Variants in CNTN5 observed in about 807,000 individuals in gnomAD.
CNTN5 encodes the protein contactin-5.
CNTN5 carries 77 observed loss-of-function variants against 129.1 expected under a neutral mutation model. The ratio of observed to expected loss-of-function variants is 0.60; its 90% confidence interval spans 0.50 to 0.72. CNTN5 has a LOEUF of 0.72. Ranked by LOEUF, CNTN5 falls within the 30% of genes least tolerant of loss-of-function variation. The pLI is 0.00. For synonymous variants in CNTN5, 509 were observed against 465.6 expected, an observed-to-expected ratio of 1.09 and a Z score of -1.20; for missense variants, 1,478 against 1,328.8, an observed-to-expected ratio of 1.11 and a Z score of -1.75.
chr11:99,875,992 G>A (rs911457413), intron 6 of CNTN5, among the ~76,000 whole-genome samples: 2 of 152,046 alleles, frequency 1.3e-5, no homozygotes, highest in Non-Finnish European at 2.9e-5. Flanking sequence ...GAACTCTCCA[G>A]GCTGGACATT....
chr11:99,534,510 TA>T, intron 2 of CNTN5, among the ~76,000 whole-genome samples: 1 of 86,930 alleles, frequency 1.2e-5, no homozygotes, highest in Non-Finnish European at 3.1e-5. Context: ...AATTTGGGCA[TA>T]GTTAGAATAA....
At chr11:100,010,321 G>C (rs1181480207) in intron 9 of CNTN5, among the ~76,000 whole-genome samples, 1 of 151,970 alleles carries the variant, frequency 6.6e-6, no homozygotes, top group Non-Finnish European at 1.5e-5. Flanking sequence ...CTAGAGGTAA[G>C]GGGGGAAAAA....
intron 2 of CNTN5, among the ~76,000 whole-genome samples, chr11:99,426,833 T>A (rs529253146): frequency 1.4e-3 from 210 of 152,296 alleles, no homozygotes; most frequent in African/African-American, 4.9e-3. Context: ...CTGTAAGTGT[T>A]TATGATTTAG....
chr11:99,706,528 C>T (rs565610994), intron 3 of CNTN5, among the ~76,000 whole-genome samples: 92 of 151,442 alleles, frequency 6.1e-4, no homozygotes, highest in Non-Finnish European at 1.1e-3. Flanking sequence ...AACTAAGTCA[C>T]TCTCACTATC....
At chr11:99,502,765 C>A (rs563026072) in intron 2 of CNTN5, among the ~76,000 whole-genome samples, 20 of 152,306 alleles carry the variant, frequency 1.3e-4, no homozygotes, top group Non-Finnish European at 2.4e-4. Context: ...AAACCATACA[C>A]CCTCCTAGAG....
intron 1 of CNTN5, among the ~76,000 whole-genome samples, chr11:99,072,852 A>G (rs915702089): frequency 1.3e-5 from 2 of 152,116 alleles, no homozygotes; most frequent in Non-Finnish European, 2.9e-5. Context: ...CTGTATCTCA[A>G]ATGATTCCTT....
At chr11:99,347,295 G>T (rs1024619549) in intron 2 of CNTN5, among the ~76,000 whole-genome samples, 17 of 152,274 alleles carry the variant, frequency 1.1e-4, no homozygotes, top group Non-Finnish European at 2.5e-4. Flanking sequence ...AGCACAAAAA[G>T]ATTATTATTA....
At chr11:100,189,867 T>A (rs1160804718) in intron 13 of CNTN5, among the ~76,000 whole-genome samples, 1 of 152,146 alleles carries the variant, frequency 6.6e-6, no homozygotes, top group Non-Finnish European at 1.5e-5. Context: ...TCTAAATTTG[T>A]CTTCCTTCTT....
intron 7 of CNTN5, among the ~76,000 whole-genome samples, chr11:99,921,013 G>A (rs1018938508): frequency 6.6e-6 from 1 of 152,066 alleles, no homozygotes; most frequent in African/African-American, 2.4e-5. Context: ...TACTGAATGT[G>A]AGAAAACAAA....
At chr11:99,530,453 T>C (rs1219168102) in intron 2 of CNTN5, among the ~76,000 whole-genome samples, 2 of 145,554 alleles carry the variant, frequency 1.4e-5, no homozygotes, top group Non-Finnish European at 3.1e-5. Flanking sequence ...TGCTATGTGA[T>C]ACACTTTTAG....
intron 1 of CNTN5, among the ~76,000 whole-genome samples, chr11:99,213,912 CA>C (rs1024381910): frequency 6.6e-6 from 1 of 151,938 alleles, no homozygotes; most frequent in Non-Finnish European, 1.5e-5. Context: ...ATTTTGAGAA[CA>C]AATTTGGGAA....
At chr11:99,111,857 ACAGCACT>A (rs2135383916) in intron 1 of CNTN5, among the ~76,000 whole-genome samples, 1 of 152,148 alleles carries the variant, frequency 6.6e-6, no homozygotes, top group African/African-American at 2.4e-5. Context: ...CCTGTTGCTG[ACAGCACT>A]TGAATTAGCA....
At chr11:99,935,291 C>T (rs982032103) in intron 7 of CNTN5, among the ~76,000 whole-genome samples, 11 of 151,370 alleles carry the variant, frequency 7.3e-5, no homozygotes, top group Admixed American at 1.3e-4. Flanking sequence ...AAGAATGGTA[C>T]GTAACTAAAA....
chr11:100,013,415 A>C (rs2137532401), intron 9 of CNTN5, among the ~76,000 whole-genome samples: 1 of 152,302 alleles, frequency 6.6e-6, no homozygotes, highest in Middle Eastern at 3.4e-3. Context: ...AAGAATCACC[A>C]GGTACATAAT....
chr11:99,366,246 G>T (rs1182285004), intron 2 of CNTN5, among the ~76,000 whole-genome samples: 1 of 151,810 alleles, frequency 6.6e-6, no homozygotes, highest in Non-Finnish European at 1.5e-5. Flanking sequence ...ATTCTTGTAA[G>T]GAAGTGATTT....
intron 2 of CNTN5, among the ~76,000 whole-genome samples, chr11:99,456,321 G>A (rs1397870491): frequency 6.6e-6 from 1 of 151,986 alleles, no homozygotes; most frequent in Non-Finnish European, 1.5e-5. Context: ...TCTTTAGGTG[G>A]TTCACCCTGA....
chr11:99,090,628 A>C (rs1186218883), intron 1 of CNTN5, among the ~76,000 whole-genome samples: 1 of 151,978 alleles, frequency 6.6e-6, no homozygotes, highest in Non-Finnish European at 1.5e-5. Context: ...AAGGGAAAAG[A>C]AAAAGTTATA....
chr11:99,555,544 T>G (rs748483891), intron 2 of CNTN5, among the ~76,000 whole-genome samples: 2 of 151,968 alleles, frequency 1.3e-5, no homozygotes, highest in Non-Finnish European at 2.9e-5. Context: ...TGAAAATCCT[T>G]TTTCCCTTAC....
At chr11:99,159,626 GATAA>G (rs957674989) in intron 1 of CNTN5, among the ~76,000 whole-genome samples, 14 of 151,972 alleles carry the variant, frequency 9.2e-5, no homozygotes, top group African/African-American at 3.4e-4. Context: ...TGTCTCAAAA[GATAA>G]ATAAATAAAC....
Sources: allele counts gnomAD v4.1 joint callset (sites outside exome capture counted in the v4.1 genomes callset), GRCh38; gene constraint gnomAD v4.1.1; transcripts MANE v1.5; gene names NCBI Gene and HGNC (gene_info 2026-07-23, HGNC 2026-07-21).